Variants in CCDC174 observed in about 807,000 individuals in gnomAD.
The protein encoded by CCDC174 is coiled-coil domain-containing protein 174.
In CCDC174, 37 loss-of-function variants were observed where a neutral mutation model predicts 57.1. That is an observed-to-expected ratio of 0.65 (90% confidence interval 0.50 to 0.85). The LOEUF (loss-of-function observed/expected upper bound fraction) is 0.85, where lower values mean the gene tolerates loss of function less well. CCDC174 is among the 40% of genes least tolerant of loss of function. CCDC174 has a pLI of 0.00. For missense variants in CCDC174, 540 were observed against 574.3 expected (o/e 0.94, Z 0.61); for synonymous variants, 182 against 190.2 (o/e 0.96, Z 0.35).
chr3:14,651,811 C>T lies in CCDC174; in HGVS notation c.-26C>T, dbSNP rs2030772909. 1 of 1,613,588 alleles carries T rather than the reference C, an allele frequency of 6.2e-7. No individual in the cohort carries two copies. The highest frequency in any genetic ancestry group is 8.5e-7 in the Non-Finnish European group (1 of 1,179,484). On this transcript the variant is annotated 5_prime_UTR_variant, in exon 1 of 11. Transcript: ENST00000383794. Reference sequence around the variant, plus strand: ...CTGTGTCGGGTAGAAAGGGTCCTTCCTGGACCGGGACCCTCTGCCACGACC... The same window carrying T: ...CTGTGTCGGGTAGAAAGGGTCCTTCTTGGACCGGGACCCTCTGCCACGACC...
chr3:14,672,633 TAATA>T lies in CCDC174; in HGVS notation c.*1444_*1447del. 1 of 152,346 alleles carries T rather than the reference TAATA, an allele frequency of 6.6e-6. No homozygotes were observed. The allele number at this position is 152,346 out of a possible 1,614,324, so 9.4% of individuals were successfully genotyped here. A position where few individuals can be genotyped will look rare whatever the true frequency, so the allele number is the denominator to read the frequency against. ...AGCCTAATCGGGTAATTGCTTTTTT[TAATA>T]AATACACATAAAAACCAACTAACCC... On this transcript the variant is annotated 3_prime_UTR_variant, in exon 11 of 11. Coordinates refer to ENST00000383794, the MANE Select transcript of CCDC174 (RefSeq NM_016474.5).
At chr3:14,655,444 CTTTG>C in intron 2 of CCDC174, 81 bp from the exon 3 acceptor site, 1 of 802,678 alleles carries the variant, frequency 1.2e-6, no homozygotes, top group Non-Finnish European at 2.1e-6. Context: ...TCATGATCTC[CTTTG>C]TTTTTTTTTT....
rs75269171 is a variant in CCDC174, at chr3:14,671,232, A to C, written c.*38A>C. 1.9e-6 allele frequency: 3 copies of C among 1,555,704 alleles called. No homozygotes were observed. Among genetic ancestry groups the C allele is most frequent in the Non-Finnish European group, 2.6e-6 (3 of 1,142,410 alleles). On this transcript the variant is annotated 3_prime_UTR_variant, in exon 11 of 11. Coordinates refer to ENST00000383794, the MANE Select transcript of CCDC174 (RefSeq NM_016474.5). ...CGCTGACTTGGGTTTGTACTTTGAC[A>C]GTGCCTTTCTCTCCCAGAGGGAGAA... is the stretch of plus-strand genomic sequence containing the variant.
At position 14,672,148 on chromosome 3, in the gene CCDC174, G is replaced by A. The variant is rs575130295; in HGVS notation, c.*954G>A. 6.6e-6 allele frequency: 1 copy of A among 152,572 alleles called. No individual in the cohort carries two copies. Among genetic ancestry groups the A allele is most frequent in the African/African-American group, 2.4e-5 (1 of 41,604 alleles). The allele number at this position is 152,572 out of a possible 1,614,324, so 9.5% of individuals were successfully genotyped here. On this transcript the variant is annotated 3_prime_UTR_variant, in exon 11 of 11. Coordinates refer to ENST00000383794, the MANE Select transcript of CCDC174 (RefSeq NM_016474.5). ...TTCCTACAGCTGCACACAAGCAGTT[G>A]AGAGTTGATGACCAGGCCCATAGGG...
At chr3:14,660,093 T>C (rs181004476) in intron 4 of CCDC174, among the ~76,000 whole-genome samples, 2 of 152,214 alleles carry the variant, frequency 1.3e-5, no homozygotes, top group Admixed American at 6.5e-5. Context: ...GTGGGAGAGG[T>C]TTTGCCTTCT....
In CCDC174 at chr3:14,658,922, C is replaced by T. The variant is rs1205252043; in HGVS notation, c.300C>T (p.Asp100=). ...TATATGAAAAAATGACTAAAGGAGA[C>T]TTTATAGGTAAATAAAATTTGTTAT... ...AKLYEKMTKG[D]FIDEEVEDMY... The change falls in exon 4 of 11, where the codon GAC becomes GAT. Residue 100 remains aspartate (D), a synonymous_variant. Coordinates refer to ENST00000383794, the MANE Select transcript of CCDC174 (RefSeq NM_016474.5). 1 of 1,513,704 alleles carries T rather than the reference C, an allele frequency of 6.6e-7. No individual in the cohort carries two copies. Among genetic ancestry groups the T allele is most frequent in the South Asian group, 1.1e-5 (1 of 88,612 alleles). 93.8% of individuals were successfully genotyped at this position (1,513,704 alleles called of 1,614,324 possible).
intron 3 of CCDC174, among the ~76,000 whole-genome samples, chr3:14,657,634 C>T (rs1401509617): frequency 2.0e-5 from 3 of 152,198 alleles, no homozygotes; most frequent in African/African-American, 4.8e-5. Flanking sequence ...TCCTTTCTCA[C>T]GTGCTCTCAT....
Position 14,654,414 on chromosome 3 carries a change from C to G in CCDC174, c.43-12C>G, listed in dbSNP as rs750360630. 1 of 1,427,628 alleles carries G rather than the reference C, an allele frequency of 7.0e-7. No individual in the cohort carries two copies. Among genetic ancestry groups the G allele is most frequent in the African/African-American group, 1.4e-5 (1 of 70,322 alleles). 88.4% of individuals were successfully genotyped at this position (1,427,628 alleles called of 1,614,324 possible). On this transcript the variant is annotated splice_polypyrimidine_tract_variant and intron_variant, in intron 1 of 10. Transcript: ENST00000383794. ...ATTTAATATTTTTGTTTACTTACTGCTTTCATTCTAGTTGGTAGATCTTAA... is the reference window on the plus strand; with the variant it reads ...ATTTAATATTTTTGTTTACTTACTGGTTTCATTCTAGTTGGTAGATCTTAA...
chr3:14,666,816 C>T lies in CCDC174; in HGVS notation c.593C>T (p.Pro198Leu). Residue 198 changes from proline (P) to leucine (L), a missense_variant, in exon 7 of 11, where the codon CCT becomes CTT. By Grantham distance (98) the Pro-to-Leu change is moderately conservative (BLOSUM62 -3). Transcript: ENST00000383794. ...KNLQGRLFIS[P>L]ANEKTLLSED... ...TGTTTTCCTGCTAGTTTTATTAGTC[C>T]TGCTAATGAAAAAACCCTATTATCT... The T allele has an allele frequency of 6.3e-7, 1 of 1,578,794 alleles. No individual in the cohort carries two copies. Among genetic ancestry groups the T allele is most frequent in the Non-Finnish European group, 8.5e-7 (1 of 1,170,490 alleles).
In CCDC174 at chr3:14,666,965, C is replaced by G. The variant is rs1288100801; in HGVS notation, c.724+18C>G. On this transcript the variant is annotated intron_variant, in intron 7 of 10. Coordinates refer to ENST00000383794, the MANE Select transcript of CCDC174 (RefSeq NM_016474.5). ...GGAAAATGGTATGACTATTTTCTTG[C>G]AGCTTTGCAAATCTTATTTTTAACC... 14 of 1,565,056 alleles carry G rather than the reference C, an allele frequency of 8.9e-6. No homozygotes were observed. Among genetic ancestry groups the G allele is most frequent in the South Asian group, 8.4e-5 (7 of 83,318 alleles).
chr3:14,668,036 A>G lies in CCDC174; in HGVS notation c.820-13A>G, dbSNP rs745806153. 6.5e-6 allele frequency: 10 copies of G among 1,549,748 alleles called. No individual in the cohort carries two copies. Among genetic ancestry groups the G allele is most frequent in the African/African-American group, 1.4e-5 (1 of 71,482 alleles). On this transcript the variant is annotated splice_polypyrimidine_tract_variant and intron_variant, in intron 8 of 10. Coordinates refer to ENST00000383794, the MANE Select transcript of CCDC174 (RefSeq NM_016474.5). ...TTGGCTTCAAGCAAATAATTTTCTGATTTTCTGTTCAGACAACAGATCAGA... is the reference window on the plus strand; with the variant it reads ...TTGGCTTCAAGCAAATAATTTTCTGGTTTTCTGTTCAGACAACAGATCAGA...
At position 14,668,020 on chromosome 3, in the gene CCDC174, A is replaced by C. The variant is rs375651808; in HGVS notation, c.820-29A>C. The C allele has an allele frequency of 2.6e-6, 4 of 1,557,258 alleles. No individual in the cohort carries two copies. The African/African-American group carries it at 5.6e-5, about 22-fold the overall frequency. On this transcript the variant is annotated intron_variant, in intron 8 of 10. Transcript: ENST00000383794. ...CAGGAATATTGCAAATTTGGCTTCA[A>C]GCAAATAATTTTCTGATTTTCTGTT...
At chr3:14,664,679 GTTA>G (rs1239813404) in intron 5 of CCDC174, among the ~76,000 whole-genome samples, 1 of 152,316 alleles carries the variant, frequency 6.6e-6, no homozygotes, top group African/African-American at 2.4e-5. Flanking sequence ...ACAAGGCAAA[GTTA>G]TTAAGATACT....
chr3:14,658,753 G>A lies in CCDC174; in HGVS notation c.249-118G>A. ...GATGGTGTGGTCTGTGCTGGTTGTG[G>A]TTGTCTTGACAGGCTGGGCCTCATG... On this transcript the variant is annotated intron_variant, in intron 3 of 10. Transcript: ENST00000383794. The A allele has an allele frequency of 2.7e-6, 3 of 1,117,550 alleles. No individual in the cohort carries two copies. The South Asian group carries it at 4.1e-5, about 15-fold the overall frequency. The allele number at this position is 1,117,550 out of a possible 1,614,324, so 69.2% of individuals were successfully genotyped here.
Position 14,665,123 on chromosome 3 carries a change from T to C in CCDC174, c.581T>C (p.Leu194Pro), listed in dbSNP as rs2031272846. The C allele has an allele frequency of 6.2e-7, 1 of 1,604,076 alleles. No homozygotes were observed. The highest frequency in any genetic ancestry group is 8.5e-7 in the Non-Finnish European group (1 of 1,170,698). Reference sequence around the variant, plus strand: ...ATGGATAAAAATCTTCAGGGGAGACTGTAAGTGTGTGTGGTATACAGAGCT... The same window carrying C: ...ATGGATAAAAATCTTCAGGGGAGACCGTAAGTGTGTGTGGTATACAGAGCT... The part of the protein sequence containing the change: ...LEMDKNLQGR[L>P]FISPANEKTL... Residue 194 changes from leucine (L) to proline (P), a missense_variant and splice_region_variant, in exon 6 of 11, where the codon CTT becomes CCT. Transcript: ENST00000383794.
chr3:14,664,523 C>T (rs911308443), intron 5 of CCDC174, among the ~76,000 whole-genome samples: 1 of 152,092 alleles, frequency 6.6e-6, no homozygotes, highest in African/African-American at 2.4e-5. Flanking sequence ...TAAGAAGAGT[C>T]CAACTCTGAA....
At chr3:14,666,397 C>A (rs1305375110) in intron 6 of CCDC174, among the ~76,000 whole-genome samples, 1 of 152,106 alleles carries the variant, frequency 6.6e-6, no homozygotes, top group Non-Finnish European at 1.5e-5. Context: ...CCAAGGCAGG[C>A]GGATCTCCTG....
chr3:14,653,221 A>T (rs1575067139), intron 1 of CCDC174, among the ~76,000 whole-genome samples: 1 of 152,252 alleles, frequency 6.6e-6, no homozygotes, highest in African/African-American at 2.4e-5. Flanking sequence ...AGTAATTGTA[A>T]TAAGAATGCT....
In CCDC174 at chr3:14,651,862, A is replaced by G. The variant is rs917446067; in HGVS notation, c.26A>G (p.Asp9Gly). 2 of 1,613,986 alleles carry G rather than the reference A, an allele frequency of 1.2e-6. No homozygotes were observed. The highest frequency in any genetic ancestry group is 1.7e-5 in the Admixed American group (1 of 60,004). ...ATGGACCGTAGGAAAAAGCCTTTGG[A>G]CGTCACGGCCTCCTCGGTGAGTGAG... MDRRKKPL[D>G]VTASSLVDLK... Residue 9 changes from aspartate to glycine, a missense_variant, in exon 1 of 11, where the codon GAC becomes GGC. Physicochemically the swap from Asp to Gly is moderately conservative, Grantham distance 94. Transcript: ENST00000383794.
Sources: gnomAD v4.1 joint callset for allele counts (sites outside exome capture counted in the v4.1 genomes callset) on GRCh38, gnomAD v4.1.1 for gene constraint, MANE v1.5 for transcripts, NCBI Gene and HGNC (gene_info 2026-07-23, HGNC 2026-07-21) for gene names.